Variants in PDXDC1 observed in about 807,000 individuals in gnomAD.
PDXDC1 encodes pyridoxal-dependent decarboxylase domain-containing protein 1.
A neutral mutation model predicts 100.1 loss-of-function variants in PDXDC1; 42 were observed. The ratio of observed to expected loss-of-function variants is 0.42; its 90% CI spans 0.33 to 0.54. The LOEUF (loss-of-function observed/expected upper bound fraction) is 0.54. Ranked by LOEUF, PDXDC1 falls within the 20% of genes least tolerant of loss-of-function variation. The pLI, the probability that PDXDC1 is intolerant of heterozygous loss-of-function variation, is 0.10. For synonymous variants in PDXDC1, 260 were observed against 371.7 expected (o/e 0.70, Z 3.46); for missense variants, 636 against 979.2 (o/e 0.65, Z 4.68).
intron 16 of PDXDC1, among the ~76,000 whole-genome samples, chr16:15,070,669 G>C (rs1044299381): frequency 2.6e-5 from 4 of 152,116 alleles, no homozygotes; most frequent in African/African-American, 9.7e-5. Flanking sequence ...TAATTTTGTG[G>C]TTGGGGAAGG....
downstream of PDXDC1, chr16:15,038,557 A>C: frequency 7.4e-7 from 1 of 1,355,432 alleles, no homozygotes; most frequent in Non-Finnish European, 1.1e-6. Context: ...AGACTTACCC[A>C]GCCTGTAAAC....
chr16:15,043,364 C>G (rs1307867605), intron 16 of PDXDC1, among the ~76,000 whole-genome samples: 1 of 152,172 alleles, frequency 6.6e-6, no homozygotes, highest in Non-Finnish European at 1.5e-5. Flanking sequence ...AGAGTTATGG[C>G]GAGACCCTGT....
At chr16:15,111,211 C>A (rs965600736) in intron 16 of PDXDC1, among the ~76,000 whole-genome samples, 6 of 148,914 alleles carry the variant, frequency 4.0e-5, no homozygotes, top group African/African-American at 9.8e-5. Flanking sequence ...AATCCCAGCA[C>A]TTTGGGAGGC....
intron 13 of PDXDC1, chr16:15,026,090 C>CT (rs1227808997): frequency 6.5e-6 from 1 of 153,768 alleles, no homozygotes; most frequent in Non-Finnish European, 1.4e-5. Context: ...GTTGCCCCCT[C>CT]TTTTTTTCTA....
chr16:15,087,439 C>T (rs1214870861), intron 16 of PDXDC1, among the ~76,000 whole-genome samples: 3 of 152,192 alleles, frequency 2.0e-5, no homozygotes, highest in Non-Finnish European at 4.4e-5. Context: ...CCGTCTGTCT[C>T]GGTCAAGGCT....
chr16:15,132,391 T>G (rs1459330100), intron 16 of PDXDC1, among the ~76,000 whole-genome samples: 500 of 11,330 alleles, frequency 0.044, 1 homozygote, highest in Non-Finnish European at 0.047. Flanking sequence ...AGGGGAGGGG[T>G]TAGGGGAGGG....
rs1179195856 is a variant in PDXDC1, at chr16:15,063,653, C to T, written c.1399+33597C>T. ...CTGGGAGACGGAGCTTGCAGCGAGC[C>T]GAGATCGCGCCACTGCACTCCAGCC... is the stretch of plus-strand genomic sequence containing the variant. On this transcript the variant is annotated intron_variant, in intron 16 of 16. Transcript: ENST00000535621. 3.6e-5 allele frequency among the ~76,000 whole-genome samples: 5 copies of T among 138,172 alleles called. No homozygotes were observed. In the East Asian group the frequency reaches 6.4e-4, roughly 18 times the overall value. 90.6% of individuals were successfully genotyped at this position (138,172 alleles called of 152,430 possible). A position where few individuals can be genotyped will look rare whatever the true frequency, so the allele number is the denominator to read the frequency against.
At chr16:14,997,292 T>A (rs1232517640) in intron 1 of PDXDC1, among the ~76,000 whole-genome samples, 2 of 152,298 alleles carry the variant, frequency 1.3e-5, no homozygotes, top group Non-Finnish European at 2.9e-5. Context: ...ATCCCAGCAC[T>A]TTGGGAAGCC....
chr16:15,058,005 C>T (rs1033480876), intron 16 of PDXDC1, among the ~76,000 whole-genome samples: 2 of 152,184 alleles, frequency 1.3e-5, no homozygotes, highest in Non-Finnish European at 2.9e-5. Context: ...GGTCTACAGG[C>T]AATGAGGAAG....
At chr16:15,147,834 G>A in the PDXDC1 span, among the ~76,000 whole-genome samples, 2 of 151,956 alleles carry the variant, frequency 1.3e-5, no homozygotes, top group African/African-American at 4.8e-5. Context: ...GATTACAGGC[G>A]CCCACCACCA....
chr16:15,076,153 T>C (rs992583820), intron 16 of PDXDC1, among the ~76,000 whole-genome samples: 6 of 152,110 alleles, frequency 3.9e-5, no homozygotes, highest in African/African-American at 1.2e-4. Flanking sequence ...GGCACCTGAA[T>C]CCCTGTCTCA....
chr16:15,035,378 G>A (rs1451081843), intron 21 of PDXDC1, 71 bp from the exon 22 acceptor site: 8 of 758,098 alleles, frequency 1.1e-5, no homozygotes, highest in Non-Finnish European at 1.7e-5. Flanking sequence ...GCAAGGCTGT[G>A]TGAGGGCAGG....
intron 16 of PDXDC1, among the ~76,000 whole-genome samples, chr16:15,098,817 G>A (rs1239099701): frequency 1.3e-5 from 2 of 151,976 alleles, no homozygotes; most frequent in African/African-American, 4.8e-5. Flanking sequence ...GGCAGAGGTT[G>A]CAGTGAGCCG....
chr16:15,083,380 C>T (rs1286762167), intron 16 of PDXDC1: 10 of 1,391,162 alleles, frequency 7.2e-6, no homozygotes, highest in East Asian at 5.3e-5. Context: ...GCTTGGGCGA[C>T]AGAGTGAGAC....
chr16:15,147,578 G>A, the PDXDC1 span, among the ~76,000 whole-genome samples: 2 of 152,168 alleles, frequency 1.3e-5, no homozygotes. Flanking sequence ...CCAGGCTGGA[G>A]TGCAATGGTG....
At chr16:15,098,183 C>G (rs1485273044) in intron 16 of PDXDC1, among the ~76,000 whole-genome samples, 6 of 141,376 alleles carry the variant, frequency 4.2e-5, no homozygotes, top group South Asian at 2.3e-4. Flanking sequence ...GAGAAAGGAA[C>G]AAATTGGATA....
At chr16:15,040,933 A>G, downstream of PDXDC1, 1 of 695,322 alleles carries the variant, frequency 1.4e-6, no homozygotes, top group Non-Finnish European at 2.6e-6. Flanking sequence ...GCCTCACAGC[A>G]GATGTTCGGA....
At chr16:15,040,950 G>T (rs568793972), downstream of PDXDC1, 7 of 746,238 alleles carry the variant, frequency 9.4e-6, no homozygotes, top group Admixed American at 1.4e-4. Flanking sequence ...CGGAGTAGCT[G>T]GGATCTGAAC....
intron 16 of PDXDC1, chr16:15,127,391 T>C: frequency 8.6e-7 from 1 of 1,160,350 alleles, no homozygotes; most frequent in South Asian, 1.3e-5. Flanking sequence ...GCTGCAGCAC[T>C]GGAAAGTGGC....
Sources: allele counts gnomAD v4.1 joint callset (sites outside exome capture counted in the v4.1 genomes callset), GRCh38; gene constraint gnomAD v4.1.1; transcripts MANE v1.5; gene names NCBI Gene and HGNC (gene_info 2026-07-23, HGNC 2026-07-21).